DCHS2: variants seen among roughly 807,000 people sequenced by gnomAD.
The protein encoded by DCHS2 is dachsous cadherin-related 2.
Under a neutral mutation model 182.4 loss-of-function variants are expected in DCHS2, and 142 were observed. The ratio of observed to expected loss-of-function variants is 0.78; its 90% confidence interval spans 0.68 to 0.89. The LOEUF (loss-of-function observed/expected upper bound fraction) is 0.89. Ranked by LOEUF, DCHS2 falls within the 40% of genes least tolerant of loss-of-function variation. DCHS2 has a pLI of 0.00. For synonymous variants in DCHS2, 1,740 were observed against 1,663.3 expected (o/e 1.05, Z -1.12); for missense variants, 4,319 against 4,198.6 (o/e 1.03, Z -0.79).
chr4:154,469,553 G>T (rs553209109), intron 1 of DCHS2, among the ~76,000 whole-genome samples: 59 of 152,184 alleles, frequency 3.9e-4, no homozygotes, highest in African/African-American at 1.4e-3. Context: ...TCATTCTCTT[G>T]CTTAAACTCT....
rs764837062 is a variant in DCHS2 at position 154,236,976 on chromosome 4, C to CTT, written c.7674_7675dup (p.Ser2559LysfsTer88). On this transcript the variant is annotated frameshift_variant, in exon 20 of 20. Transcript: ENST00000357232. LOFTEE classifies it low-confidence loss of function (END_TRUNC). ...CGTGCTTCCAACCAGAGCATCCTCACTTAGGCTAAGATTATAGGATTTGAC... is the reference window on the plus strand; with the variant it reads ...CGTGCTTCCAACCAGAGCATCCTCACTTTTAGGCTAAGATTATAGGATTTGAC... 5.1e-5 allele frequency: 82 copies of CTT among 1,613,910 alleles called. No individual in the cohort carries two copies. The highest frequency in any genetic ancestry group is 6.9e-5 in the Non-Finnish European group (82 of 1,179,948).
In DCHS2 at chr4:154,491,509, C is replaced by G; in HGVS notation, c.-154G>C. 7.1e-7 allele frequency: 1 copy of G among 1,400,910 alleles called. No individual in the cohort carries two copies. Among genetic ancestry groups the G allele is most frequent in the Non-Finnish European group, 9.2e-7 (1 of 1,083,736 alleles). 86.8% of individuals were successfully genotyped at this position (1,400,910 alleles called of 1,614,324 possible). The stretch of plus-strand genomic sequence containing the variant: ...GGCCCAGGAATTCCCGAGGTTACAT[C>G]TGCAACTGGTGAAAGCGTCCTCTGC... On this transcript the variant is annotated 5_prime_UTR_variant, in exon 1 of 20. Coordinates refer to ENST00000357232, the MANE Select transcript of DCHS2 (RefSeq NM_001358235.2).
intron 1 of DCHS2, among the ~76,000 whole-genome samples, chr4:154,463,843 G>A (rs1907156): frequency 0.17 from 26,439 of 151,960 alleles, 2,665 homozygotes; most frequent in Admixed American, 0.28. Flanking sequence ...TAGATTCCAT[G>A]TGATTTGGAT....
intron 2 of DCHS2, among the ~76,000 whole-genome samples, chr4:154,370,610 G>T (rs186150524): frequency 6.6e-6 from 1 of 152,278 alleles, no homozygotes; most frequent in Non-Finnish European, 1.5e-5. Context: ...ACCCTAAACA[G>T]TAGAGAGATT....
intron 1 of DCHS2, among the ~76,000 whole-genome samples, chr4:154,439,908 A>C (rs1485432148): frequency 6.6e-6 from 1 of 152,166 alleles, no homozygotes; most frequent in Non-Finnish European, 1.5e-5. Context: ...TGCTAATACT[A>C]CTGAGGTTTG....
chr4:154,479,799 G>A (rs879730245), intron 1 of DCHS2, among the ~76,000 whole-genome samples: 1 of 152,038 alleles, frequency 6.6e-6, no homozygotes, highest in Non-Finnish European at 1.5e-5. Context: ...TTTATAAATT[G>A]GCCTCCCTGT....
At position 154,491,469 on chromosome 4, in the gene DCHS2, G is replaced by T; in HGVS notation, c.-114C>A. The T allele has an allele frequency of 7.1e-7, 1 of 1,409,628 alleles. No homozygotes were observed. Among genetic ancestry groups the T allele is most frequent in the South Asian group, 1.7e-5 (1 of 60,384 alleles). 87.3% of individuals were successfully genotyped at this position (1,409,628 alleles called of 1,614,324 possible). A position where few individuals can be genotyped will look rare whatever the true frequency, so the allele number is the denominator to read the frequency against. On this transcript the variant is annotated 5_prime_UTR_variant, in exon 1 of 20. Transcript: ENST00000357232. ...AGCCAGAGAAGAAAAGACTTTGTTT[G>T]GCAAACAAACCGACGGCCCAGGAAT... is the stretch of plus-strand genomic sequence containing the variant.
At chr4:154,485,625 T>C (rs958969352) in intron 1 of DCHS2, among the ~76,000 whole-genome samples, 1 of 152,260 alleles carries the variant, frequency 6.6e-6, no homozygotes, top group Non-Finnish European at 1.5e-5. Context: ...TAATAGATAT[T>C]CAATAAGTAT....
intron 1 of DCHS2, among the ~76,000 whole-genome samples, chr4:154,412,920 G>A (rs553958333): frequency 1.4e-4 from 22 of 152,256 alleles, no homozygotes; most frequent in African/African-American, 3.8e-4. Context: ...AATCATGGGC[G>A]CTCAATAAAT....
chr4:154,255,950 TA>T (rs548648500), intron 15 of DCHS2, among the ~76,000 whole-genome samples: 1 of 152,180 alleles, frequency 6.6e-6, no homozygotes, highest in Admixed American at 6.5e-5. Flanking sequence ...GAAATATTTT[TA>T]AAAACATCTA....
At position 154,240,724 on chromosome 4, in the gene DCHS2, G is replaced by T. The variant is rs369484496; in HGVS notation, c.7172C>A (p.Thr2391Asn). Residue 2391 changes from threonine (T) to asparagine (N), a missense_variant, in exon 18 of 20, where the codon ACC becomes AAC. Thr to Asn is a moderately conservative substitution (Grantham distance 65). Transcript: ENST00000357232. The part of the protein sequence containing the change: ...FSFAKESNPG[T>N]KFAIDQNTGV... ...AGTGTTCTGATCAATAGCAAACTTGGTTCCAGGATTACTCTCTTTGGCAAA... is the reference window on the plus strand; with the variant it reads ...AGTGTTCTGATCAATAGCAAACTTGTTTCCAGGATTACTCTCTTTGGCAAA... The T allele has an allele frequency of 7.4e-6, 12 of 1,613,892 alleles. No individual in the cohort carries two copies. Among genetic ancestry groups the T allele is most frequent in the South Asian group, 2.2e-5 (2 of 91,074 alleles).
At chr4:154,255,745 C>T in intron 15 of DCHS2, 75 bp from the exon 16 acceptor site, 1 of 1,453,972 alleles carries the variant, frequency 6.9e-7, no homozygotes, top group Non-Finnish European at 9.1e-7. Context: ...CAGAGACATG[C>T]ATTAAGAAAG....
At chr4:154,276,043 C>A (rs565206261) in intron 13 of DCHS2, among the ~76,000 whole-genome samples, 79 of 152,202 alleles carry the variant, frequency 5.2e-4, no homozygotes, top group African/African-American at 1.8e-3. Flanking sequence ...ATTGGAGATT[C>A]TCTTGAAAAA....
rs759517772 is a variant in DCHS2 at position 154,298,302 on chromosome 4, T to C, written c.6012A>G (p.Thr2004=). 1.9e-6 allele frequency: 3 copies of C among 1,614,202 alleles called. No individual in the cohort carries two copies. The highest frequency in any genetic ancestry group is 2.5e-6 in the Non-Finnish European group (3 of 1,180,026). ...TACAGTCTCTGGCCACAGCACTAAA[T>C]GTATGCTGAGATCTGGCTTCACGGT... ...TLDREARSQH[T]FSAVARDCSI... is the part of the protein sequence containing the mutation. The change falls in exon 13 of 20, where the codon ACA becomes ACG. Residue 2004 remains threonine, a synonymous_variant. Coordinates refer to ENST00000357232, the MANE Select transcript of DCHS2 (RefSeq NM_001358235.2).
chr4:154,345,241 G>T (rs1271441737), intron 3 of DCHS2, among the ~76,000 whole-genome samples: 1 of 152,150 alleles, frequency 6.6e-6, no homozygotes, highest in African/African-American at 2.4e-5. Flanking sequence ...CCAGCCTAGG[G>T]GTGATAGTTG....
Position 154,259,500 on chromosome 4 carries a change from CCACACACACACACACACA to C in DCHS2, c.6789+27_6789+44del. 4.3e-6 allele frequency: 6 copies of C among 1,410,300 alleles called. No homozygotes were observed. In the South Asian group the frequency reaches 7.5e-5, roughly 18 times the overall value. 87.4% of individuals were successfully genotyped at this position (1,410,300 alleles called of 1,614,324 possible). A position where few individuals can be genotyped will look rare whatever the true frequency, so the allele number is the denominator to read the frequency against. On this transcript the variant is annotated intron_variant, in intron 15 of 19. Coordinates refer to ENST00000357232, the MANE Select transcript of DCHS2 (RefSeq NM_001358235.2). ...CTCTCTCTCTCTCACACAGACACAC[CCACACACACACACACACA>C]CACACACACAAATATATTTCTGTTA...
At chr4:154,468,864 C>T (rs146662400) in intron 1 of DCHS2, among the ~76,000 whole-genome samples, 321 of 151,974 alleles carry the variant, frequency 2.1e-3, no homozygotes, top group Non-Finnish European at 3.5e-3. Flanking sequence ...TACTAAAATA[C>T]GGATCATGCT....
At position 154,236,126 on chromosome 4, in the gene DCHS2, A is replaced by G. The variant is rs765140906; in HGVS notation, c.8526T>C (p.Tyr2842=). The G allele has an allele frequency of 6.2e-7, 1 of 1,613,746 alleles. No homozygotes were observed. The highest frequency in any genetic ancestry group is 8.5e-7 in the Non-Finnish European group (1 of 1,179,940). Residue 2842 remains tyrosine (Y), a synonymous_variant, in exon 20 of 20, where the codon TAT becomes TAC. Transcript: ENST00000357232. ...TGAGGCAGTATTTATTGCCATTTTCATAGTCAAGGATTTGCTTAGCATGAA... is the reference window on the plus strand; with the variant it reads ...TGAGGCAGTATTTATTGCCATTTTCGTAGTCAAGGATTTGCTTAGCATGAA... ...GDIHAKQILD[Y]ENGNKYCLTV...
At chr4:154,464,416 A>G (rs1002632287) in intron 1 of DCHS2, among the ~76,000 whole-genome samples, 4 of 152,200 alleles carry the variant, frequency 2.6e-5, no homozygotes, top group Non-Finnish European at 5.9e-5. Flanking sequence ...AGATCATTCT[A>G]ACTAACCTGG....
Sources: allele counts gnomAD v4.1 joint callset (sites outside exome capture counted in the v4.1 genomes callset), GRCh38; gene constraint gnomAD v4.1.1; transcripts MANE v1.5; gene names NCBI Gene and HGNC (gene_info 2026-07-23, HGNC 2026-07-21).